Variants in CNTN3 observed in about 807,000 individuals in gnomAD.
The protein encoded by CNTN3 is contactin-3.
In CNTN3, 60 loss-of-function variants were observed where a neutral mutation model predicts 119.1. The ratio of observed to expected loss-of-function variants is 0.50; its 90% CI spans 0.41 to 0.62. The LOEUF (loss-of-function observed/expected upper bound fraction) is 0.62. Ranked by LOEUF, CNTN3 falls within the 20% of genes least tolerant of loss-of-function variation. The pLI, the probability that CNTN3 is intolerant of heterozygous loss-of-function variation, is 0.00. For missense variants in CNTN3, 1,101 were observed against 1,242.4 expected, an observed-to-expected ratio of 0.89 and a Z score of 1.71; for synonymous variants, 450 against 438.7, an observed-to-expected ratio of 1.03 and a Z score of -0.32.
intron 4 of CNTN3, among the ~76,000 whole-genome samples, chr3:74,443,144 A>G (rs1701994179): frequency 6.6e-6 from 1 of 152,100 alleles, no homozygotes; most frequent in Non-Finnish European, 1.5e-5. Flanking sequence ...CTTTAAGGAG[A>G]AGGTCCTGGG....
chr3:74,292,867 A>T (rs368728113), intron 19 of CNTN3, among the ~76,000 whole-genome samples: 26 of 152,194 alleles, frequency 1.7e-4, no homozygotes, highest in East Asian at 3.9e-4. Flanking sequence ...TTCTTTAACC[A>T]CAAGGGAGCT....
intron 1 of CNTN3, among the ~76,000 whole-genome samples, chr3:74,531,040 T>C (rs1438556873): frequency 6.6e-6 from 1 of 151,886 alleles, no homozygotes; most frequent in East Asian, 1.9e-4. Context: ...CTTAGCAGAA[T>C]TGGAATTACC....
At chr3:74,559,424 A>G (rs1316311004) in intron 1 of CNTN3, among the ~76,000 whole-genome samples, 1 of 152,116 alleles carries the variant, frequency 6.6e-6, no homozygotes, top group African/African-American at 2.4e-5. Flanking sequence ...CCCGCTCCCC[A>G]GCAGCTCAGA....
chr3:74,526,677 A>C (rs1307031819), intron 1 of CNTN3, among the ~76,000 whole-genome samples: 1 of 151,832 alleles, frequency 6.6e-6, no homozygotes, highest in Non-Finnish European at 1.5e-5. Context: ...GAAGGATATC[A>C]TGTGCCCAGT....
intron 3 of CNTN3, among the ~76,000 whole-genome samples, chr3:74,493,153 C>T (rs927452988): frequency 1.3e-5 from 2 of 152,000 alleles, no homozygotes; most frequent in Non-Finnish European, 2.9e-5. Context: ...GAAATGGCAA[C>T]CTTTTCACAA....
intron 1 of CNTN3, among the ~76,000 whole-genome samples, chr3:74,576,986 T>C (rs192194488): frequency 1.1e-4 from 17 of 152,264 alleles, no homozygotes; most frequent in Non-Finnish European, 2.2e-4. Flanking sequence ...CAGCAGTGAC[T>C]TGGTAAGCAG....
chr3:74,458,976 A>T (rs572901452), intron 4 of CNTN3, among the ~76,000 whole-genome samples: 1 of 152,096 alleles, frequency 6.6e-6, no homozygotes, highest in African/African-American at 2.4e-5. Flanking sequence ...GTCTCAATTT[A>T]GGCATCCCTA....
At chr3:74,391,921 G>C (rs550804640) in intron 5 of CNTN3, among the ~76,000 whole-genome samples, 1 of 152,292 alleles carries the variant, frequency 6.6e-6, no homozygotes, top group Non-Finnish European at 1.5e-5. Context: ...GTCTCCCAAA[G>C]TGCTGGGATT....
chr3:74,347,308 C>T (rs1303751357), intron 11 of CNTN3, among the ~76,000 whole-genome samples: 3 of 152,198 alleles, frequency 2.0e-5, no homozygotes, highest in African/African-American at 4.8e-5. Flanking sequence ...GCAGCATGAT[C>T]ACAGCTCACT....
At chr3:74,564,327 C>A (rs1275127688) in intron 1 of CNTN3, among the ~76,000 whole-genome samples, 1 of 151,928 alleles carries the variant, frequency 6.6e-6, no homozygotes, top group East Asian at 1.9e-4. Context: ...GCTGCTGACA[C>A]CTACAGGATA....
chr3:74,445,023 C>CA (rs1702026072), intron 4 of CNTN3, among the ~76,000 whole-genome samples: 1 of 152,082 alleles, frequency 6.6e-6, no homozygotes, highest in Non-Finnish European at 1.5e-5. Flanking sequence ...CTGAAGTCAG[C>CA]AAAGAGAATC....
At position 74,298,007 on chromosome 3, in the gene CNTN3, T is replaced by G. The variant is rs1464438031; in HGVS notation, c.2351A>C (p.Lys784Thr). 6.2e-7 allele frequency: 1 copy of G among 1,614,104 alleles called. No homozygotes were observed. The highest frequency in any genetic ancestry group is 2.2e-5 in the East Asian group (1 of 44,868). Residue 784 changes from lysine (K) to threonine (T), a missense_variant, in exon 18 of 23, where the codon AAA becomes ACA. Coordinates refer to ENST00000263665, the MANE Select transcript of CNTN3 (RefSeq NM_020872.3). ...YEVKVGVYNN[K>T]GEGPFSPVTT... ...CACTGGGCTAAATGGTCCTTCACCT[T>G]TGTTATTATAAACACCCACTTTAAC...
chr3:74,324,780 A>T (rs1483689985), intron 13 of CNTN3, among the ~76,000 whole-genome samples: 1 of 152,124 alleles, frequency 6.6e-6, no homozygotes, highest in African/African-American at 2.4e-5. Context: ...GACTTGTTTG[A>T]TTACTCAAAA....
intron 5 of CNTN3, among the ~76,000 whole-genome samples, chr3:74,414,076 T>C (rs1701481341): frequency 1.3e-5 from 2 of 152,196 alleles, no homozygotes; most frequent in South Asian, 2.1e-4. Flanking sequence ...TGCAGTTGAC[T>C]GCGAAGCACC....
intron 1 of CNTN3, among the ~76,000 whole-genome samples, chr3:74,601,938 A>T (rs1704917557): frequency 6.6e-6 from 1 of 152,082 alleles, no homozygotes; most frequent in African/African-American, 2.4e-5. Flanking sequence ...GAAACAATAG[A>T]GCCAGACAGT....
chr3:74,579,701 A>G (rs1704473179), intron 1 of CNTN3, among the ~76,000 whole-genome samples: 3 of 152,148 alleles, frequency 2.0e-5, no homozygotes, highest in Admixed American at 1.3e-4. Flanking sequence ...AAAATAGAAA[A>G]TATTTTAAAA....
At chr3:74,364,219 T>C (rs2106777089) in intron 10 of CNTN3, among the ~76,000 whole-genome samples, 1 of 152,256 alleles carries the variant, frequency 6.6e-6, no homozygotes, top group Non-Finnish European at 1.5e-5. Flanking sequence ...AAGGATATCT[T>C]TTGCCAATAT....
intron 13 of CNTN3, among the ~76,000 whole-genome samples, chr3:74,313,795 T>A (rs1046810251): frequency 6.6e-6 from 1 of 152,186 alleles, no homozygotes; most frequent in Non-Finnish European, 1.5e-5. Context: ...GATACATGTT[T>A]CATTTCAGAC....
At chr3:74,272,460 T>C (rs559635910) in intron 20 of CNTN3, among the ~76,000 whole-genome samples, 1 of 152,352 alleles carries the variant, frequency 6.6e-6, no homozygotes, top group South Asian at 2.1e-4. Flanking sequence ...CAATATTATA[T>C]TGTTATGTTT....
Sources: gnomAD v4.1 joint callset for allele counts (sites outside exome capture counted in the v4.1 genomes callset) on GRCh38, gnomAD v4.1.1 for gene constraint, MANE v1.5 for transcripts, NCBI Gene and HGNC (gene_info 2026-07-23, HGNC 2026-07-21) for gene names.